The following SCAPER variants were observed in gnomAD, a reference collection of about 807,000 sequenced individuals.
The protein encoded by SCAPER is S phase cyclin A-associated protein in the endoplasmic reticulum.
In SCAPER, 98 loss-of-function variants were observed where a neutral mutation model predicts 182.2. That is an observed-to-expected ratio of 0.54 (90% CI 0.46 to 0.64). The LOEUF is 0.64. Ranked by LOEUF, SCAPER falls within the 30% of genes least tolerant of loss-of-function variation. The pLI is 0.00. For missense variants in SCAPER, 1,432 were observed against 1,690.0 expected (o/e 0.85, Z 2.68); for synonymous variants, 605 against 564.6 (o/e 1.07, Z -1.01).
chr15:76,603,559 G>T (rs2050089802), intron 22 of SCAPER, among the ~76,000 whole-genome samples: 1 of 121,840 alleles, frequency 8.2e-6, no homozygotes, highest in Admixed American at 9.3e-5. Context: ...TGATGGGATG[G>T]CTGGGTCAAA....
At chr15:76,841,665 A>C in intron 5 of SCAPER, 69 bp downstream of exon 5, 1 of 1,488,810 alleles carries the variant, frequency 6.7e-7, no homozygotes, top group Admixed American at 2.1e-5. Context: ...AAAAAAGATC[A>C]AGTCACATGT....
In SCAPER at chr15:76,792,701, G is replaced by A. The variant is rs578116666; in HGVS notation, c.772+2579C>T. On this transcript the variant is annotated intron_variant, in intron 8 of 31. Coordinates refer to ENST00000563290, the MANE Select transcript of SCAPER (RefSeq NM_020843.4). ...GAGAAAGAGGCTGTAAGAAGAACTT[G>A]GGTTTCTTAGCCAAAGCCAGTACCA... 2.0e-5 allele frequency among the ~76,000 whole-genome samples: 3 copies of A among 152,294 alleles called. No individual in the cohort carries two copies. The South Asian group carries it at 6.2e-4, about 32-fold the overall frequency.
chr15:76,615,091 A>G (rs1376045425), intron 22 of SCAPER, among the ~76,000 whole-genome samples: 2 of 152,224 alleles, frequency 1.3e-5, no homozygotes, highest in African/African-American at 4.8e-5. Flanking sequence ...CCTAAAAGAC[A>G]TACAATTAAG....
chr15:76,822,116 A>G (rs1393753702), intron 5 of SCAPER, among the ~76,000 whole-genome samples: 1 of 152,178 alleles, frequency 6.6e-6, no homozygotes, highest in East Asian at 1.9e-4. Flanking sequence ...AAAATCATAG[A>G]ACGTATAAGA....
intron 23 of SCAPER, among the ~76,000 whole-genome samples, chr15:76,512,682 G>T (rs1466522663): frequency 6.6e-6 from 1 of 151,714 alleles, no homozygotes; most frequent in African/African-American, 2.4e-5. Flanking sequence ...AACCCTCAAA[G>T]CCTTTTCTGC....
intron 23 of SCAPER, among the ~76,000 whole-genome samples, chr15:76,573,251 A>G (rs1032202925): frequency 4.7e-4 from 71 of 152,328 alleles, no homozygotes; most frequent in Middle Eastern, 3.4e-3. Flanking sequence ...ATGTGGTAAG[A>G]AAGGATCATA....
intron 20 of SCAPER, among the ~76,000 whole-genome samples, chr15:76,669,215 GCAGCAA>G (rs759033832): frequency 2.0e-5 from 3 of 151,342 alleles, no homozygotes; most frequent in East Asian, 2.0e-4. Flanking sequence ...AAAACAAGCA[GCAGCAA>G]CAACAACAAC....
At position 76,701,977 on chromosome 15, in the gene SCAPER, A is replaced by T. The variant is rs970481894; in HGVS notation, c.2401-112T>A. On this transcript the variant is annotated intron_variant, in intron 19 of 31. Coordinates refer to ENST00000563290, the MANE Select transcript of SCAPER (RefSeq NM_020843.4). ...GAGTTGAGATCCACCTAGTATTTAC[A>T]TATTAGTCTTAAAAATAGTTTCCTC... 1.5e-5 allele frequency: 9 copies of T among 606,696 alleles called. No individual in the cohort carries two copies. In the Admixed American group the frequency reaches 2.8e-4, roughly 19 times the overall value. The allele number at this position is 606,696 out of a possible 1,614,324, so 37.6% of individuals were successfully genotyped here.
At chr15:76,353,896 G>A in intron 30 of SCAPER, 53 bp downstream of exon 30, 4 of 1,402,604 alleles carry the variant, frequency 2.9e-6, no homozygotes, top group Non-Finnish European at 3.7e-6. Flanking sequence ...TTACATTTCT[G>A]TCGCATTAGT....
At chr15:76,375,896 A>G (rs2042529682) in intron 29 of SCAPER, among the ~76,000 whole-genome samples, 1 of 152,208 alleles carries the variant, frequency 6.6e-6, no homozygotes, top group African/African-American at 2.4e-5. Context: ...GAGGCATGAG[A>G]ATCGCTTGAA....
intron 5 of SCAPER, among the ~76,000 whole-genome samples, chr15:76,828,097 T>A (rs1175240711): frequency 6.6e-6 from 1 of 152,108 alleles, no homozygotes; most frequent in Non-Finnish European, 1.5e-5. Context: ...CACCATGTGA[T>A]GTCCTATGTT....
At position 76,353,973 on chromosome 15, in the gene SCAPER, ACAG is replaced by A. The variant is rs1470836520; in HGVS notation, c.4020_4022del (p.Cys1341del). On this transcript the variant is annotated inframe_deletion, in exon 30 of 32. Transcript: ENST00000563290. ...CCTGAATGAAAGTGGCCAGTAAAAC[ACAG>A]CTCATCTCTTGCTCCAGAATGATCT... The A allele has an allele frequency of 6.3e-7, 1 of 1,587,232 alleles. No individual in the cohort carries two copies. The highest frequency in any genetic ancestry group is 8.5e-7 in the Non-Finnish European group (1 of 1,171,270).
At chr15:76,414,964 A>G (rs1029648486) in intron 26 of SCAPER, among the ~76,000 whole-genome samples, 5 of 152,188 alleles carry the variant, frequency 3.3e-5, no homozygotes, top group African/African-American at 1.2e-4. Context: ...TCTGTTTTAT[A>G]TCCTTTTCTG....
At chr15:76,459,527 T>C (rs2142941265) in intron 25 of SCAPER, among the ~76,000 whole-genome samples, 1 of 129,958 alleles carries the variant, frequency 7.7e-6, no homozygotes, top group African/African-American at 2.9e-5. Context: ...GCTCACTTTT[T>C]AATGGAATTA....
chr15:76,715,155 G>A (rs1215034784), intron 17 of SCAPER, among the ~76,000 whole-genome samples: 1 of 151,892 alleles, frequency 6.6e-6, no homozygotes, highest in Admixed American at 6.6e-5. Flanking sequence ...CACAGAAACA[G>A]TTGATACCTC....
chr15:76,681,340 A>G (rs1039311215), intron 20 of SCAPER, among the ~76,000 whole-genome samples: 4 of 152,230 alleles, frequency 2.6e-5, no homozygotes, highest in Non-Finnish European at 5.9e-5. Context: ...TTAAAAACAA[A>G]TCCTCAACTA....
intron 10 of SCAPER, among the ~76,000 whole-genome samples, chr15:76,769,948 C>A (rs933168433): frequency 6.6e-6 from 1 of 152,112 alleles, no homozygotes; most frequent in African/African-American, 2.4e-5. Flanking sequence ...AGACTTGGAA[C>A]CAACCCAAAT....
At chr15:76,722,764 G>T (rs571980207) in intron 17 of SCAPER, among the ~76,000 whole-genome samples, 4 of 152,130 alleles carry the variant, frequency 2.6e-5, no homozygotes, top group East Asian at 1.9e-4. Context: ...CTGTGGGATC[G>T]GTGGTGATAT....
In SCAPER at chr15:76,705,970, C is replaced by T; in HGVS notation, c.2180G>A (p.Arg727Gln). 1 of 1,556,440 alleles carries T rather than the reference C, an allele frequency of 6.4e-7. No individual in the cohort carries two copies. The highest frequency in any genetic ancestry group is 8.7e-7 in the Non-Finnish European group (1 of 1,152,614). ...TTGAGCAGCTGTGAGTGCTGCCAAT[C>T]GTTCTTCCCTGTCTCTGTAAGAAGA... Reference protein sequence around the residue: ...ARERARDREERLAALTAAQQE... With the variant: ...ARERARDREEQLAALTAAQQE... Residue 727 changes from arginine (R) to glutamine (Q), a missense_variant, in exon 18 of 32, where the codon CGA becomes CAA. Physicochemically the swap from Arg to Gln is conservative, Grantham distance 43 (BLOSUM62 1). Transcript: ENST00000563290.
Sources: allele counts gnomAD v4.1 joint callset (sites outside exome capture counted in the v4.1 genomes callset), GRCh38; gene constraint gnomAD v4.1.1; transcripts MANE v1.5; gene names NCBI Gene and HGNC (gene_info 2026-07-23, HGNC 2026-07-21).